The following ARHGEF16 variants were observed in gnomAD, a reference collection of about 807,000 sequenced individuals.
The protein encoded by ARHGEF16 is Rho guanine exchange factor (GEF) 16.
Under a neutral mutation model 74.1 loss-of-function variants are expected in ARHGEF16, and 59 were observed. That is an observed-to-expected ratio of 0.80 (90% CI 0.65 to 0.99). The LOEUF is 0.99. Among genes scored for constraint, ARHGEF16 ranks in the 50% least tolerant of loss-of-function variants. The pLI is 0.00. For synonymous variants in ARHGEF16, 415 were observed against 412.6 expected (o/e 1.01, Z -0.07); for missense variants, 948 against 986.6 (o/e 0.96, Z 0.52).
At chr1:3,457,341 G>T (rs910922698) in intron 1 of ARHGEF16, among the ~76,000 whole-genome samples, 48 of 152,258 alleles carry the variant, frequency 3.2e-4, no homozygotes, top group African/African-American at 1.1e-3. Context: ...GGACCTAGAG[G>T]CCAGGGTAGG....
intron 9 of ARHGEF16, 108 bp from the exon 10 acceptor site, chr1:3,475,861 TG>T: frequency 1.8e-6 from 2 of 1,093,168 alleles, no homozygotes; most frequent in Non-Finnish European, 2.6e-6. Flanking sequence ...GCAGGCACTG[TG>T]GGCAGCCAGA....
At chr1:3,455,359 C>T (rs1361365468) in intron 1 of ARHGEF16, among the ~76,000 whole-genome samples, 3 of 152,150 alleles carry the variant, frequency 2.0e-5, no homozygotes, top group East Asian at 3.9e-4. Flanking sequence ...ATACGCCCCT[C>T]CCCCACCCTT....
rs1265288306 is a variant in ARHGEF16 at position 3,480,582 on chromosome 1, G to A, written c.2125G>A (p.Val709Met). The A allele has an allele frequency of 1.7e-5, 27 of 1,606,202 alleles. No individual in the cohort carries two copies. The highest frequency in any genetic ancestry group is 2.0e-5 in the Non-Finnish European group (24 of 1,179,422). The change falls in exon 15 of 15, where the codon GTG becomes ATG. Residue 709 changes from valine (V) to methionine (M), a missense_variant. Val to Met is a conservative substitution (Grantham distance 21, BLOSUM62 1). Coordinates refer to ENST00000378378, the MANE Select transcript of ARHGEF16 (RefSeq NM_014448.4). Reference protein sequence around the residue: ...RMERLRVETDV With the variant: ...RMERLRVETDM ...GGAGCGTCTGCGGGTGGAGACGGAC[G>A]TGTAGCCCTGGCGAGGCCAGCCGGC...
rs567849453 is a variant in ARHGEF16 at position 3,468,655 on chromosome 1, C to T, written c.805-225C>T. 5.1e-4 allele frequency: 292 copies of T among 569,828 alleles called. 2 individuals are homozygous for T. The highest frequency in any genetic ancestry group is 1.8e-3 in the South Asian group (90 of 50,526). 35.3% of individuals were successfully genotyped at this position (569,828 alleles called of 1,614,324 possible). A position where few individuals can be genotyped will look rare whatever the true frequency, so the allele number is the denominator to read the frequency against. On this transcript the variant is annotated intron_variant, in intron 4 of 14. Coordinates refer to ENST00000378378, the MANE Select transcript of ARHGEF16 (RefSeq NM_014448.4). Reference sequence around the variant, plus strand: ...TTTCTGGGCTGCTTTGGGGCTCTGGCGGCTGGGGGGAGCGGGGGGCTGACC... The same window carrying T: ...TTTCTGGGCTGCTTTGGGGCTCTGGTGGCTGGGGGGAGCGGGGGGCTGACC...
At chr1:3,462,405 A>G (rs1006811969) in intron 1 of ARHGEF16, among the ~76,000 whole-genome samples, 3 of 152,148 alleles carry the variant, frequency 2.0e-5, no homozygotes, top group Admixed American at 6.5e-5. Flanking sequence ...AGAGAGGGGA[A>G]TCACACAGGC....
At chr1:3,472,886 C>CCCCCCTCCT in intron 6 of ARHGEF16, 192 bp from the exon 7 acceptor site, 1 of 239,960 alleles carries the variant, frequency 4.2e-6, no homozygotes, top group Non-Finnish European at 8.3e-6. Context: ...CCCACCCGCC[C>CCCCCCTCCT]TCCCTGCTGT....
intron 10 of ARHGEF16, 124 bp from the exon 11 acceptor site, chr1:3,477,751 C>T: frequency 1.1e-6 from 1 of 882,226 alleles, no homozygotes; most frequent in South Asian, 1.6e-5. Context: ...GTCACCCAGT[C>T]CAGAGGCAGG....
chr1:3,477,321 A>ACCCCATCACCCCCACACTACCCAT (rs1639910381), intron 10 of ARHGEF16, among the ~76,000 whole-genome samples: 1 of 8,474 alleles, frequency 1.2e-4, no homozygotes, highest in Non-Finnish European at 2.4e-4. Flanking sequence ...CACACTACCC[A>ACCCCATCACCCCCACACTACCCAT]CCCCATCACC....
intron 4 of ARHGEF16, among the ~76,000 whole-genome samples, chr1:3,467,910 G>T (rs1002597291): frequency 1.3e-5 from 2 of 152,136 alleles, no homozygotes; most frequent in African/African-American, 2.4e-5. Flanking sequence ...GGCGTGGCGG[G>T]CAGCGGGGAG....
chr1:3,462,305 G>A (rs1569841686), intron 1 of ARHGEF16, among the ~76,000 whole-genome samples: 1 of 152,202 alleles, frequency 6.6e-6, no homozygotes, highest in African/African-American at 2.4e-5. Context: ...TTTATGCCCA[G>A]TTCAGAAACG....
At chr1:3,472,813 C>T (rs955887297) in intron 6 of ARHGEF16, 9 of 466,006 alleles carry the variant, frequency 1.9e-5, no homozygotes, top group African/African-American at 4.0e-5. Flanking sequence ...AACAGAGGGA[C>T]GGCACCAGTG....
chr1:3,468,068 C>T lies in ARHGEF16; in HGVS notation c.804+731C>T, dbSNP rs1458103803. Among the ~76,000 whole-genome samples, 4 of 152,182 alleles carry T rather than the reference C, an allele frequency of 2.6e-5. No homozygotes were observed. The East Asian group carries it at 7.7e-4, about 29-fold the overall frequency. ...GCGTGGGGTGAGGGCAGGCAGCGGG[C>T]AGCCTCCCCACAGATAGAAAGGCCT... On this transcript the variant is annotated intron_variant, in intron 4 of 14. Coordinates refer to ENST00000378378, the MANE Select transcript of ARHGEF16 (RefSeq NM_014448.4).
intron 9 of ARHGEF16, 42 bp from the exon 10 acceptor site, chr1:3,475,928 C>A: frequency 6.5e-7 from 1 of 1,527,902 alleles, no homozygotes; most frequent in South Asian, 1.2e-5. Flanking sequence ...TGTGCCAGGG[C>A]CCTGTAGCAC....
chr1:3,471,327 C>A (rs1006974737), intron 6 of ARHGEF16, among the ~76,000 whole-genome samples: 2 of 152,070 alleles, frequency 1.3e-5, no homozygotes, highest in African/African-American at 4.8e-5. Context: ...CACAGGGCTG[C>A]CCCAACAGTG....
intron 1 of ARHGEF16, among the ~76,000 whole-genome samples, chr1:3,461,428 T>C (rs1639389664): frequency 6.6e-6 from 1 of 152,206 alleles, no homozygotes; most frequent in Admixed American, 6.5e-5. Context: ...ATTTTGAAAC[T>C]GAGGCACGGA....
At chr1:3,478,130 C>T in intron 11 of ARHGEF16, 104 bp downstream of exon 11, 1 of 1,498,228 alleles carries the variant, frequency 6.7e-7, no homozygotes, top group South Asian at 1.2e-5. Flanking sequence ...CCCCTCTGAC[C>T]TCAGAGCCGA....
chr1:3,458,675 A>C (rs1639321374), intron 1 of ARHGEF16, among the ~76,000 whole-genome samples: 1 of 152,196 alleles, frequency 6.6e-6, no homozygotes, highest in South Asian at 2.1e-4. Context: ...CCAGCAGCAG[A>C]TGTTTGAGGA....
intron 1 of ARHGEF16, among the ~76,000 whole-genome samples, chr1:3,462,590 C>T (rs990996834): frequency 6.6e-6 from 1 of 152,198 alleles, no homozygotes; most frequent in African/African-American, 2.4e-5. Flanking sequence ...TTGCGTTCAC[C>T]ACGAGGAAGT....
chr1:3,474,581 C>A (rs2100755316), intron 8 of ARHGEF16, 127 bp from the exon 9 acceptor site: 3 of 838,824 alleles, frequency 3.6e-6, no homozygotes, highest in Non-Finnish European at 6.0e-6. Context: ...CTGTGGGGCC[C>A]TGCAGGAGCC....
Sources: gnomAD v4.1 joint callset for allele counts (sites outside exome capture counted in the v4.1 genomes callset) on GRCh38, gnomAD v4.1.1 for gene constraint, MANE v1.5 for transcripts, NCBI Gene and HGNC (gene_info 2026-07-23, HGNC 2026-07-21) for gene names.